The following RAD54L2 variants were observed in gnomAD, a reference collection of about 807,000 sequenced individuals.
RAD54L2 encodes the protein RAD54 like 2, also known as helicase ARIP4.
In RAD54L2, 27 loss-of-function variants were observed where a neutral mutation model predicts 138.4. The ratio of observed to expected loss-of-function variants is 0.20; its 90% CI spans 0.14 to 0.27. The LOEUF (loss-of-function observed/expected upper bound fraction) is 0.27. RAD54L2 is among the 10% of genes least tolerant of loss of function. The pLI is 1.00. For synonymous variants in RAD54L2, 644 were observed against 723.2 expected, an observed-to-expected ratio of 0.89 and a Z score of 1.76; for missense variants, 1,396 against 1,890.2, an observed-to-expected ratio of 0.74 and a Z score of 4.85.
At chr3:51,660,919 C>G (rs964879698) in intron 22 of RAD54L2, among the ~76,000 whole-genome samples, 6 of 151,054 alleles carry the variant, frequency 4.0e-5, no homozygotes, top group Non-Finnish European at 8.8e-5. Context: ...CACGCCAGGC[C>G]ATAAGTTTCT....
At chr3:51,611,748 G>A (rs966466079) in intron 3 of RAD54L2, among the ~76,000 whole-genome samples, 2 of 151,890 alleles carry the variant, frequency 1.3e-5, no homozygotes, top group South Asian at 2.1e-4. Flanking sequence ...TACTAACGAC[G>A]AGTTTGACCA....
intron 3 of RAD54L2, among the ~76,000 whole-genome samples, chr3:51,621,185 G>A (rs2106779690): frequency 6.6e-6 from 1 of 152,298 alleles, no homozygotes; most frequent in South Asian, 2.1e-4. Flanking sequence ...TGAAGCACTT[G>A]AAAGACATGT....
At chr3:51,655,192 A>C (rs748253022) in intron 19 of RAD54L2, among the ~76,000 whole-genome samples, 1 of 151,682 alleles carries the variant, frequency 6.6e-6, no homozygotes, top group South Asian at 2.1e-4. Context: ...GAGGAAGAAC[A>C]TAACAGTCTT....
At chr3:51,621,287 GATTC>G (rs1484299496) in intron 3 of RAD54L2, among the ~76,000 whole-genome samples, 5 of 152,124 alleles carry the variant, frequency 3.3e-5, no homozygotes, top group Non-Finnish European at 7.4e-5. Context: ...AGAAGCTGAG[GATTC>G]ATTCAAAGAA....
intron 2 of RAD54L2, among the ~76,000 whole-genome samples, chr3:51,571,582 A>G (rs1224177487): frequency 1.3e-5 from 2 of 151,956 alleles, no homozygotes; most frequent in African/African-American, 4.8e-5. Flanking sequence ...TGACCGGGGC[A>G]GTCTCAAACT....
chr3:51,602,184 T>G (rs1485094973), intron 3 of RAD54L2, among the ~76,000 whole-genome samples: 1 of 152,142 alleles, frequency 6.6e-6, no homozygotes, highest in African/African-American at 2.4e-5. Flanking sequence ...TATTTTTGTT[T>G]TCAATTACAA....
chr3:51,590,054 C>T (rs1333301732), intron 2 of RAD54L2, among the ~76,000 whole-genome samples: 2 of 152,046 alleles, frequency 1.3e-5, no homozygotes, highest in Non-Finnish European at 2.9e-5. Flanking sequence ...GCAGTGGCGC[C>T]ATCTTGGCTC....
chr3:51,541,752 T>C (rs1161024146), intron 2 of RAD54L2, 102 bp downstream of exon 2: 3 of 152,218 alleles, frequency 2.0e-5, no homozygotes, highest in Admixed American at 6.5e-5. Context: ...TTCATTCTGA[T>C]CTATTAAAAT....
chr3:51,554,619 G>A (rs1293574865), intron 2 of RAD54L2, among the ~76,000 whole-genome samples: 2 of 152,122 alleles, frequency 1.3e-5, no homozygotes, highest in Admixed American at 1.3e-4. Flanking sequence ...AATCTGCAAA[G>A]CCATCGTTTG....
chr3:51,661,596 G>C (rs1454689258), intron 22 of RAD54L2, among the ~76,000 whole-genome samples: 4 of 152,152 alleles, frequency 2.6e-5, no homozygotes, highest in African/African-American at 9.7e-5. Flanking sequence ...CAGTGGGAGT[G>C]GTTCTCATTT....
intron 3 of RAD54L2, among the ~76,000 whole-genome samples, chr3:51,619,310 G>A (rs1700517805): frequency 6.6e-6 from 1 of 152,154 alleles, no homozygotes; most frequent in Non-Finnish European, 1.5e-5. Context: ...GTCTGCCTTG[G>A]CCTCCCAAAG....
At chr3:51,572,058 C>T (rs1027930514) in intron 2 of RAD54L2, among the ~76,000 whole-genome samples, 1 of 152,134 alleles carries the variant, frequency 6.6e-6, no homozygotes, top group Non-Finnish European at 1.5e-5. Context: ...TCACTTGTCA[C>T]TGTTTTCTTC....
intron 2 of RAD54L2, among the ~76,000 whole-genome samples, chr3:51,578,736 G>A (rs1419428105): frequency 1.3e-5 from 2 of 152,098 alleles, no homozygotes; most frequent in Non-Finnish European, 2.9e-5. Context: ...CAGCATCTAG[G>A]GGAGGGTGCC....
chr3:51,604,076 C>T (rs374801033), intron 3 of RAD54L2, among the ~76,000 whole-genome samples: 177 of 152,216 alleles, frequency 1.2e-3, no homozygotes, highest in African/African-American at 4.1e-3. Flanking sequence ...TAGTTGGATT[C>T]AGGATATGTT....
At chr3:51,636,611 G>A (rs1700987652) in intron 10 of RAD54L2, among the ~76,000 whole-genome samples, 1 of 152,190 alleles carries the variant, frequency 6.6e-6, no homozygotes, top group Non-Finnish European at 1.5e-5. Context: ...CCCTAGGAAT[G>A]CAAGTCAGTT....
chr3:51,644,007 A>G, intron 16 of RAD54L2, 33 bp downstream of exon 16: 1 of 1,540,670 alleles, frequency 6.5e-7, no homozygotes, highest in Non-Finnish European at 8.8e-7. Flanking sequence ...GGTCAAAGGA[A>G]TCTGTTCAGG....
intron 3 of RAD54L2, among the ~76,000 whole-genome samples, chr3:51,611,274 T>A (rs1026336148): frequency 2.0e-5 from 3 of 151,720 alleles, no homozygotes; most frequent in Admixed American, 6.6e-5. Context: ...TTTTTTTTTT[T>A]AATTTTTGTG....
At chr3:51,616,428 T>A (rs547215747) in intron 3 of RAD54L2, among the ~76,000 whole-genome samples, 20 of 152,294 alleles carry the variant, frequency 1.3e-4, no homozygotes, top group South Asian at 2.1e-4. Context: ...AGTTTTTTTT[T>A]AAAAAGTCAG....
intron 2 of RAD54L2, among the ~76,000 whole-genome samples, chr3:51,577,121 G>T (rs1699498404): frequency 6.6e-6 from 1 of 152,156 alleles, no homozygotes; most frequent in Non-Finnish European, 1.5e-5. Flanking sequence ...TCATTCAGGA[G>T]CAGGTTGTTC....
Sources: gnomAD v4.1 joint callset for allele counts (sites outside exome capture counted in the v4.1 genomes callset) on GRCh38, gnomAD v4.1.1 for gene constraint, MANE v1.5 for transcripts, NCBI Gene and HGNC (gene_info 2026-07-23, HGNC 2026-07-21) for gene names.